The following TASP1 variants were observed in gnomAD, a reference collection of about 807,000 sequenced individuals.
The protein encoded by TASP1 is taspase 1, also known as threonine aspartase 1.
TASP1 carries 16 observed loss-of-function variants against 56.6 expected under a neutral mutation model. The observed-to-expected ratio is 0.28, with a 90% CI of 0.19 to 0.43. TASP1 has a LOEUF of 0.43. Among genes scored for constraint, TASP1 ranks in the 20% least tolerant of loss-of-function variants. TASP1 has a pLI of 1.00. For missense variants in TASP1, 393 were observed against 511.6 expected, an observed-to-expected ratio of 0.77 and a Z score of 2.24; for synonymous variants, 179 against 184.2, an observed-to-expected ratio of 0.97 and a Z score of 0.23.
chr20:13,513,424 G>A (rs2044411050), intron 10 of TASP1, among the ~76,000 whole-genome samples: 1 of 151,982 alleles, frequency 6.6e-6, no homozygotes, highest in South Asian at 2.1e-4. Flanking sequence ...GAGGGAGAGA[G>A]ACAGAAGGCA....
At chr20:13,402,138 C>A (rs1420081958) in intron 13 of TASP1, among the ~76,000 whole-genome samples, 1 of 152,156 alleles carries the variant, frequency 6.6e-6, no homozygotes, top group African/African-American at 2.4e-5. Flanking sequence ...ACATATTATT[C>A]GCACCTCTGG....
At chr20:13,143,957 C>T in the TASP1 span, among the ~76,000 whole-genome samples, 1 of 152,202 alleles carries the variant, frequency 6.6e-6, no homozygotes, top group Non-Finnish European at 1.5e-5. Flanking sequence ...TCATCCTGAT[C>T]CATGCACTAT....
At chr20:13,299,016 G>A in the TASP1 span, 2 of 1,613,686 alleles carry the variant, frequency 1.2e-6, no homozygotes, top group Non-Finnish European at 1.7e-6. This position sits in a 1 kb window ranked among gnomAD's most constrained non-coding sequence, Gnocchi z 5.8. Context: ...GGTGATGAAT[G>A]ACCTGCCCAG....
At chr20:13,547,079 A>T (rs898984613) in intron 8 of TASP1, among the ~76,000 whole-genome samples, 2 of 152,204 alleles carry the variant, frequency 1.3e-5, no homozygotes, top group Admixed American at 1.3e-4. Flanking sequence ...CATCAGCTGT[A>T]GATGCTTAAA....
At chr20:13,256,927 G>A in the TASP1 span, among the ~76,000 whole-genome samples, 3 of 152,190 alleles carry the variant, frequency 2.0e-5, no homozygotes. Flanking sequence ...AGGTGGAGGT[G>A]TGGCTGTCAC....
chr20:13,321,881 A>G, the TASP1 span, among the ~76,000 whole-genome samples: 4 of 152,306 alleles, frequency 2.6e-5, no homozygotes, highest in African/African-American at 9.6e-5. Context: ...TTGACTCCCT[A>G]ATTGGCTGCA....
At chr20:13,274,397 G>A in the TASP1 span, among the ~76,000 whole-genome samples, 1 of 152,144 alleles carries the variant, frequency 6.6e-6, no homozygotes, top group Non-Finnish European at 1.5e-5. Flanking sequence ...CAGGTGAGGG[G>A]CCCTTCAGTA....
the TASP1 span, among the ~76,000 whole-genome samples, chr20:13,214,547 AC>A: frequency 1.3e-5 from 2 of 150,008 alleles, no homozygotes; most frequent in African/African-American, 4.9e-5. Context: ...ACACACACAC[AC>A]ACACACACAC....
intron 10 of TASP1, among the ~76,000 whole-genome samples, chr20:13,490,167 T>C (rs900605452): frequency 6.6e-6 from 1 of 152,212 alleles, no homozygotes; most frequent in Non-Finnish European, 1.5e-5. Context: ...GAATATTTAT[T>C]TTAACTGACT....
chr20:13,182,765 T>C, the TASP1 span, among the ~76,000 whole-genome samples: 2,754 of 152,302 alleles, frequency 0.018, 88 homozygotes, highest in African/African-American at 0.063. Flanking sequence ...AATGAATGAG[T>C]GAAGGAACAA....
the TASP1 span, among the ~76,000 whole-genome samples, chr20:13,269,635 G>A: frequency 6.6e-6 from 1 of 152,230 alleles, no homozygotes; most frequent in South Asian, 2.1e-4. Flanking sequence ...GATTATGGCA[G>A]GGTGCCACCT....
At chr20:13,215,816 T>C in the TASP1 span, among the ~76,000 whole-genome samples, 3 of 152,146 alleles carry the variant, frequency 2.0e-5, no homozygotes, top group African/African-American at 7.2e-5. Context: ...TGTTGGAGCA[T>C]AGGGAAGTGG....
At chr20:13,380,152 A>T in the TASP1 span, among the ~76,000 whole-genome samples, 3 of 152,150 alleles carry the variant, frequency 2.0e-5, no homozygotes, top group Middle Eastern at 3.2e-3. Flanking sequence ...GAGAAGAGGC[A>T]TTCTGGTTTT....
At chr20:13,129,676 C>A in the TASP1 span, among the ~76,000 whole-genome samples, 2 of 152,192 alleles carry the variant, frequency 1.3e-5, no homozygotes, top group African/African-American at 4.8e-5. Flanking sequence ...ACTTTGCAAT[C>A]ATGTCCTTCC....
intron 13 of TASP1, 43 bp downstream of exon 13, chr20:13,417,405 T>A (rs2273476): frequency 3.1e-5 from 50 of 1,608,402 alleles, no homozygotes; most frequent in Non-Finnish European, 4.2e-5. Flanking sequence ...GTTTATGCGA[T>A]GGCTACAAGG....
At chr20:13,182,156 G>A in the TASP1 span, among the ~76,000 whole-genome samples, 1 of 152,098 alleles carries the variant, frequency 6.6e-6, no homozygotes, top group Admixed American at 6.5e-5. Flanking sequence ...CTTTTCACAT[G>A]CTGTTTCTTC....
the TASP1 span, among the ~76,000 whole-genome samples, chr20:13,287,710 A>G: frequency 6.6e-6 from 1 of 152,230 alleles, no homozygotes; most frequent in Non-Finnish European, 1.5e-5. Flanking sequence ...TGTGCCTGAC[A>G]TACAAAAAGG....
chr20:13,356,517 A>C, the TASP1 span, among the ~76,000 whole-genome samples: 1 of 152,236 alleles, frequency 6.6e-6, no homozygotes, highest in Non-Finnish European at 1.5e-5. Context: ...AAGTAACTTG[A>C]ATGTTGGCCC....
intron 9 of TASP1, among the ~76,000 whole-genome samples, chr20:13,533,133 A>G (rs562390144): frequency 6.6e-6 from 1 of 152,212 alleles, no homozygotes; most frequent in African/African-American, 2.4e-5. Context: ...AATAGTCACT[A>G]ACCATCATGA....
Sources: allele counts gnomAD v4.1 joint callset (sites outside exome capture counted in the v4.1 genomes callset), GRCh38; gene constraint gnomAD v4.1.1; non-coding constraint Gnocchi (gnomAD v3.1); transcripts MANE v1.5; gene names NCBI Gene and HGNC (gene_info 2026-07-23, HGNC 2026-07-21).